PTPRD: variants seen among roughly 807,000 people sequenced by gnomAD.
PTPRD encodes protein tyrosine phosphatase receptor type D, also known as receptor-type tyrosine-protein phosphatase delta.
In PTPRD, 34 loss-of-function variants were observed where a neutral mutation model predicts 214.5. The observed-to-expected ratio is 0.16, with a 90% CI of 0.12 to 0.21. The LOEUF is 0.21. Ranked by LOEUF, PTPRD falls within the 10% of genes least tolerant of loss-of-function variation. PTPRD has a pLI of 1.00. For synonymous variants in PTPRD, 1,128 were observed against 845.7 expected, an observed-to-expected ratio of 1.33 and a Z score of -5.79; for missense variants, 2,545 against 2,398.7, an observed-to-expected ratio of 1.06 and a Z score of -1.27.
chr9:8,954,450 A>G (rs2099120611), intron 11 of PTPRD, among the ~76,000 whole-genome samples: 1 of 151,898 alleles, frequency 6.6e-6, no homozygotes, highest in Non-Finnish European at 1.5e-5. Context: ...ATCACAAAAT[A>G]TACCTTTGTA....
intron 9 of PTPRD, among the ~76,000 whole-genome samples, chr9:9,216,296 T>G (rs2099952169): frequency 6.6e-6 from 1 of 152,206 alleles, no homozygotes; most frequent in South Asian, 2.1e-4. Flanking sequence ...CAATGCTAGA[T>G]AGTCACCAGC....
intron 9 of PTPRD, among the ~76,000 whole-genome samples, chr9:9,185,759 T>A (rs901215578): frequency 1.3e-5 from 2 of 152,142 alleles, no homozygotes; most frequent in Non-Finnish European, 2.9e-5. Context: ...TTCACTCACA[T>A]TAATGTCTAT....
At chr9:9,997,524 G>A (rs1163412126) in intron 4 of PTPRD, among the ~76,000 whole-genome samples, 1 of 152,070 alleles carries the variant, frequency 6.6e-6, no homozygotes, top group Non-Finnish European at 1.5e-5. Flanking sequence ...CCCACCCTCA[G>A]GTGGTCTGCC....
At chr9:10,260,831 A>G (rs1220299137) in intron 3 of PTPRD, among the ~76,000 whole-genome samples, 2 of 152,036 alleles carry the variant, frequency 1.3e-5, no homozygotes, top group East Asian at 1.9e-4. Context: ...CCCTACTAAT[A>G]GCCTTGTTTG....
At chr9:10,355,200 T>C (rs1253547272) in intron 2 of PTPRD, among the ~76,000 whole-genome samples, 1 of 152,136 alleles carries the variant, frequency 6.6e-6, no homozygotes, top group East Asian at 1.9e-4. Flanking sequence ...TTAAGAAACG[T>C]ATGAGGCAAA....
chr9:10,114,984 A>G (rs1277380214), intron 3 of PTPRD, among the ~76,000 whole-genome samples: 1 of 151,416 alleles, frequency 6.6e-6, no homozygotes, highest in Non-Finnish European at 1.5e-5. Context: ...TACTTTTTAA[A>G]GGGAGGGGTT....
At chr9:9,697,362 G>T (rs910344288) in intron 7 of PTPRD, among the ~76,000 whole-genome samples, 1 of 152,156 alleles carries the variant, frequency 6.6e-6, no homozygotes, top group Non-Finnish European at 1.5e-5. Context: ...CTTGTAAGAT[G>T]GGTCTGATGG....
Position 8,904,941 on chromosome 9 carries a change from A to G in PTPRD, c.-104+113756T>C, listed in dbSNP as rs10977349. On this transcript the variant is annotated intron_variant, in intron 11 of 45. Coordinates refer to ENST00000381196, the MANE Select transcript of PTPRD (RefSeq NM_002839.4). ...GCATGTTTGGACATTTTTGGTTTGCATACACATTAAAATTGGCCGAAGATG... is the reference window on the plus strand; with the variant it reads ...GCATGTTTGGACATTTTTGGTTTGCGTACACATTAAAATTGGCCGAAGATG... Among the ~76,000 whole-genome samples the G allele has an allele frequency of 3.6e-3, 550 of 152,334 alleles. 4 individuals carry two copies. In the East Asian group the frequency reaches 0.042, roughly 12 times the overall value.
chr9:9,967,954 A>G (rs1258920202), intron 4 of PTPRD, among the ~76,000 whole-genome samples: 2 of 152,146 alleles, frequency 1.3e-5, no homozygotes, highest in Non-Finnish European at 2.9e-5. Context: ...ATTTGTCACA[A>G]AATTTTAGAA....
rs1024629040 is a variant in PTPRD at position 9,791,811 on chromosome 9, G to T, written c.-367-24960C>A. ...AGAAATCATTTTTTGCTTATGGGAA[G>T]TTATAAGCTATCCAATTTCTAAATA... On this transcript the variant is annotated intron_variant, in intron 5 of 45. Transcript: ENST00000381196. Among the ~76,000 whole-genome samples, 8 of 152,134 alleles carry T rather than the reference G, an allele frequency of 5.3e-5. No individual in the cohort carries two copies. The East Asian group carries it at 1.3e-3, about 26-fold the overall frequency.
chr9:10,397,886 A>T (rs1479043408), intron 2 of PTPRD, among the ~76,000 whole-genome samples: 1 of 152,018 alleles, frequency 6.6e-6, no homozygotes, highest in African/African-American at 2.4e-5. Flanking sequence ...CGATGTTTGC[A>T]CAATAACCAA....
At position 10,106,109 on chromosome 9, in the gene PTPRD, T is replaced by A. The variant is rs541021987; in HGVS notation, c.-544-72319A>T. The stretch of plus-strand genomic sequence containing the variant: ...ATAATATACCATGGCACTAAAAATA[T>A]TGCACTTATTGAATTCAATAAGTTT... On this transcript the variant is annotated intron_variant, in intron 3 of 45. Coordinates refer to ENST00000381196, the MANE Select transcript of PTPRD (RefSeq NM_002839.4). Among the ~76,000 whole-genome samples the A allele has an allele frequency of 7.9e-5, 12 of 151,666 alleles. No homozygotes were observed. In the South Asian group the frequency reaches 2.5e-3, roughly 32 times the overall value.
intron 2 of PTPRD, among the ~76,000 whole-genome samples, chr9:10,495,508 C>G (rs1018999451): frequency 4.0e-5 from 6 of 151,726 alleles, no homozygotes; most frequent in Non-Finnish European, 5.9e-5. Context: ...TAGAATTATC[C>G]TCTCTGATAA....
At chr9:10,437,693 G>C (rs1475473141) in intron 2 of PTPRD, among the ~76,000 whole-genome samples, 1 of 151,430 alleles carries the variant, frequency 6.6e-6, no homozygotes, top group African/African-American at 2.4e-5. Flanking sequence ...CTGAGAAGCA[G>C]ATATCTTCAA....
chr9:8,413,499 C>T (rs2093681865), intron 35 of PTPRD, among the ~76,000 whole-genome samples: 1 of 152,078 alleles, frequency 6.6e-6, no homozygotes, highest in African/African-American at 2.4e-5. Flanking sequence ...CATTTCATAC[C>T]AAATGTATTT....
intron 11 of PTPRD, among the ~76,000 whole-genome samples, chr9:8,943,160 T>A (rs933454351): frequency 6.6e-6 from 1 of 152,166 alleles, no homozygotes; most frequent in Non-Finnish European, 1.5e-5. Context: ...AGATATTCTA[T>A]GTTCATGGAT....
chr9:8,692,187 GC>G (rs1309257174), intron 12 of PTPRD, among the ~76,000 whole-genome samples: 1 of 152,230 alleles, frequency 6.6e-6, no homozygotes, highest in Non-Finnish European at 1.5e-5. Flanking sequence ...TAAGTAAAGA[GC>G]CAGCAGGTGG....
At chr9:9,717,675 A>T (rs981552367) in intron 7 of PTPRD, among the ~76,000 whole-genome samples, 2 of 152,216 alleles carry the variant, frequency 1.3e-5, no homozygotes, top group African/African-American at 2.4e-5. Flanking sequence ...TAACCCATGA[A>T]CTTAGCTCCA....
At chr9:10,330,048 T>A (rs2154433824) in intron 3 of PTPRD, among the ~76,000 whole-genome samples, 1 of 151,990 alleles carries the variant, frequency 6.6e-6, no homozygotes, top group African/African-American at 2.4e-5. Flanking sequence ...TTCCTGTACT[T>A]TTTTTTCTGA....
Sources: gnomAD v4.1 joint callset for allele counts (sites outside exome capture counted in the v4.1 genomes callset) on GRCh38, gnomAD v4.1.1 for gene constraint, MANE v1.5 for transcripts, NCBI Gene and HGNC (gene_info 2026-07-23, HGNC 2026-07-21) for gene names.